Variants in FRMPD4 observed in about 807,000 individuals in gnomAD.
FRMPD4 encodes the protein FERM and PDZ domain containing 4, also known as FERM and PDZ domain-containing protein 4.
Under a neutral mutation model 94.1 loss-of-function variants are expected in FRMPD4, and 22 were observed. The observed-to-expected ratio is 0.23, with a 90% confidence interval of 0.17 to 0.33. FRMPD4 has a LOEUF of 0.33. Ranked by LOEUF, FRMPD4 falls within the 10% of genes least tolerant of loss-of-function variation. The probability of loss-of-function intolerance (pLI) is 1.00; values close to 1 mark genes in which losing one functional copy is unlikely to be tolerated. For missense variants in FRMPD4, 1,111 were observed against 1,339.9 expected (o/e 0.83, Z 2.67); for synonymous variants, 631 against 548.6 (o/e 1.15, Z -2.10).
At chrX:12,552,851 T>C (rs751900308) in intron 2 of FRMPD4, among the ~76,000 whole-genome samples, 1 of 112,567 alleles carries the variant, frequency 8.9e-6, no homozygotes, top group East Asian at 2.8e-4. Context: ...AATATGTCTG[T>C]GTATATATCC....
At chrX:12,369,104 A>G (rs1222579981) in intron 1 of FRMPD4, among the ~76,000 whole-genome samples, 3 of 110,632 alleles carry the variant, frequency 2.7e-5, no homozygotes, top group Non-Finnish European at 5.7e-5. Context: ...GAACTTCGTA[A>G]CATTGTATCA....
intron 2 of FRMPD4, among the ~76,000 whole-genome samples, chrX:12,563,424 A>T (rs1419334585): frequency 8.9e-6 from 1 of 112,156 alleles, no homozygotes; most frequent in East Asian, 2.8e-4. Context: ...CCATCTGTCC[A>T]TCACCCTTTG....
intron 1 of FRMPD4, among the ~76,000 whole-genome samples, chrX:12,412,988 A>AC (rs200328724): frequency 0.011 from 1,198 of 111,470 alleles, 27 homozygotes; most frequent in African/African-American, 0.036. Context: ...AAAAAAAAAA[A>AC]ACACACATTT....
intron 1 of FRMPD4, among the ~76,000 whole-genome samples, chrX:12,187,114 A>G (rs998058275): frequency 8.9e-6 from 1 of 111,960 alleles, no homozygotes; most frequent in African/African-American, 3.2e-5. Context: ...ACTACTTTAG[A>G]AGATACTAAC....
In FRMPD4 at chrX:12,707,499, C is replaced by T. The variant is rs1280581309; in HGVS notation, c.1318C>T (p.Leu440=). ...QAEKRSEVTL[L]VGPRYGISHV... The stretch of plus-strand genomic sequence containing the variant: ...AGAAAAGCGCTCGGAAGTGACTCTC[C>T]TGGTTGGGCCCCGGTATGGCATAAG... The change falls in exon 13 of 17, where the codon CTG becomes TTG. Residue 440 remains leucine, a synonymous_variant. Coordinates refer to ENST00000675598, the MANE Select transcript of FRMPD4 (RefSeq NM_001368397.1). 8.3e-7 allele frequency: 1 copy of T among 1,204,316 alleles called. No individual in the cohort carries two copies. The highest frequency in any genetic ancestry group is 1.1e-6 in the Non-Finnish European group (1 of 892,379).
intron 3 of FRMPD4, among the ~76,000 whole-genome samples, chrX:11,916,032 C>T (rs1362270234): frequency 1.8e-5 from 2 of 111,385 alleles, no homozygotes; most frequent in Non-Finnish European, 3.8e-5. Context: ...AATTCTGACC[C>T]AGAGAGACTG....
At chrX:12,265,993 C>T (rs1297614698) in intron 1 of FRMPD4, among the ~76,000 whole-genome samples, 2 of 107,762 alleles carry the variant, frequency 1.9e-5, no homozygotes, top group Non-Finnish European at 3.8e-5. Flanking sequence ...ATTAGCCGGG[C>T]GCGGTGGCAG....
intron 1 of FRMPD4, among the ~76,000 whole-genome samples, chrX:12,486,176 G>T (rs1034891500): frequency 9.0e-6 from 1 of 111,021 alleles, no homozygotes; most frequent in Non-Finnish European, 1.9e-5. Context: ...TAAGGGGCTG[G>T]CAGAGATTTG....
intron 9 of FRMPD4, among the ~76,000 whole-genome samples, chrX:12,700,453 C>A (rs1048757412): frequency 1.8e-5 from 2 of 112,314 alleles, no homozygotes; most frequent in African/African-American, 6.5e-5. Flanking sequence ...TGCCTTGTGT[C>A]TAAGCAGTAA....
At chrX:12,283,541 G>A (rs2054556646) in intron 1 of FRMPD4, among the ~76,000 whole-genome samples, 1 of 110,963 alleles carries the variant, frequency 9.0e-6, no homozygotes, top group South Asian at 3.8e-4. Context: ...CAAACATTTC[G>A]TTTTAGCTGT....
chrX:11,920,102 C>T (rs1006877510), intron 3 of FRMPD4, among the ~76,000 whole-genome samples: 3 of 111,840 alleles, frequency 2.7e-5, no homozygotes, highest in Admixed American at 9.5e-5. Context: ...GATTCCTTCC[C>T]CCCACCATTG....
chrX:12,317,585 C>CAAAAAAA (rs376884335), intron 1 of FRMPD4, among the ~76,000 whole-genome samples: 82 of 42,294 alleles, frequency 1.9e-3, no homozygotes, highest in African/African-American at 3.3e-3. Context: ...AACTAAATAG[C>CAAAAAAA]AAAAAAAAAA....
Position 12,716,535 on chromosome X carries a change from T to C in FRMPD4, c.2076T>C (p.Ser692=). Residue 692 remains serine, a synonymous_variant, in exon 15 of 17, where the codon AGT becomes AGC. Coordinates refer to ENST00000675598, the MANE Select transcript of FRMPD4 (RefSeq NM_001368397.1). ...LEKQRNLYIG[S]ANDMKGLDLT... ...AGCAGAGAAATCTCTACATTGGCAG[T>C]GCCAATGACATGAAGGGCCTGGATC... 1 of 1,209,385 alleles carries C rather than the reference T, an allele frequency of 8.3e-7. No individual in the cohort carries two copies. The highest frequency in any genetic ancestry group is 1.1e-6 in the Non-Finnish European group (1 of 893,789).
chrX:12,045,268 A>G (rs1283758320), intron 3 of FRMPD4, among the ~76,000 whole-genome samples: 2 of 111,743 alleles, frequency 1.8e-5, no homozygotes, highest in Non-Finnish European at 3.8e-5. Flanking sequence ...TTCTTTATGG[A>G]AAAGGTTTGC....
At chrX:12,645,274 A>G (rs1312489462) in intron 4 of FRMPD4, among the ~76,000 whole-genome samples, 1 of 106,792 alleles carries the variant, frequency 9.4e-6, no homozygotes, top group Non-Finnish European at 1.9e-5. Flanking sequence ...AGATCTCATT[A>G]GATTTTATTT....
At chrX:12,021,488 G>A (rs1284124291) in intron 3 of FRMPD4, among the ~76,000 whole-genome samples, 6 of 111,731 alleles carry the variant, frequency 5.4e-5, no homozygotes, top group Non-Finnish European at 9.4e-5. Flanking sequence ...AAAGGAACAA[G>A]GTTCAAACAT....
At chrX:12,074,842 G>C (rs1258235309) in intron 3 of FRMPD4, among the ~76,000 whole-genome samples, 1 of 112,250 alleles carries the variant, frequency 8.9e-6, no homozygotes, top group Non-Finnish European at 1.9e-5. Flanking sequence ...TTAAAACAAT[G>C]TTCAGAGATA....
intron 1 of FRMPD4, among the ~76,000 whole-genome samples, chrX:12,193,027 G>GA (rs968898751): frequency 5.4e-5 from 6 of 111,661 alleles, no homozygotes; most frequent in South Asian, 3.7e-4. Context: ...TGTTCCAGAT[G>GA]AAAAAAATAG....
intron 3 of FRMPD4, among the ~76,000 whole-genome samples, chrX:11,932,690 TAA>T (rs137926332): frequency 4.2e-5 from 4 of 95,927 alleles, no homozygotes; most frequent in African/African-American, 7.6e-5. Flanking sequence ...AAAACAAACA[TAA>T]AAAAAAAAAA....
Sources: gnomAD v4.1 joint callset for allele counts (sites outside exome capture counted in the v4.1 genomes callset) on GRCh38, gnomAD v4.1.1 for gene constraint, MANE v1.5 for transcripts, NCBI Gene and HGNC (gene_info 2026-07-23, HGNC 2026-07-21) for gene names.